The following RIMBP2 variants were observed in gnomAD, a reference collection of about 807,000 sequenced individuals.
RIMBP2 encodes the protein RIMS-binding protein 2.
In RIMBP2, 48 loss-of-function variants were observed where a neutral mutation model predicts 118.6. The ratio of observed to expected loss-of-function variants is 0.40; its 90% CI spans 0.32 to 0.51. RIMBP2 has a LOEUF of 0.51. Among genes scored for constraint, RIMBP2 ranks in the 20% least tolerant of loss-of-function variants. The pLI, the probability that RIMBP2 is intolerant of heterozygous loss-of-function variation, is 0.41. For missense variants in RIMBP2, 1,551 were observed against 1,768.3 expected, an observed-to-expected ratio of 0.88 and a Z score of 2.20; for synonymous variants, 762 against 742.9, an observed-to-expected ratio of 1.03 and a Z score of -0.42.
chr12:130,541,947 G>A (rs878910369), intron 2 of RIMBP2, among the ~76,000 whole-genome samples: 1 of 152,242 alleles, frequency 6.6e-6, no homozygotes, highest in Non-Finnish European at 1.5e-5. Flanking sequence ...CCATTGGGCT[G>A]AGTGTTGGCA....
rs1594076071 is a variant in RIMBP2 at position 130,621,983 on chromosome 12, T to C, written c.-217+6339A>G. The stretch of plus-strand genomic sequence containing the variant: ...CAACAGAGCCCATTCCACGTCGACT[T>C]GTCTACTTTAAAAAATAATAACAGA... On this transcript the variant is annotated intron_variant, in intron 2 of 22. Transcript: ENST00000690449. The surrounding 1 kb of genome is among the most constrained non-coding windows in gnomAD (Gnocchi z 6.6). Among the ~76,000 whole-genome samples, 1 of 152,236 alleles carries C rather than the reference T, an allele frequency of 6.6e-6. No homozygotes were observed. The highest frequency in any genetic ancestry group is 2.4e-5 in the African/African-American group (1 of 41,460).
chr12:130,581,215 C>T lies in RIMBP2; in HGVS notation c.-217+47107G>A, dbSNP rs1281687929. Among the ~76,000 whole-genome samples, 2 of 152,124 alleles carry T rather than the reference C, an allele frequency of 1.3e-5. No individual in the cohort carries two copies. The highest frequency in any genetic ancestry group is 1.9e-4 in the East Asian group (1 of 5,178). ...AGGGTGGCAGCCTCTGGGTCATCAA[C>T]TGAAATGCCCCGTGGTCCCAGGTCA... On this transcript the variant is annotated intron_variant, in intron 2 of 22. Transcript: ENST00000690449. This position sits in a 1 kb window ranked among gnomAD's most constrained non-coding sequence, Gnocchi z 4.4.
chr12:130,572,645 A>G (rs1012982354), intron 2 of RIMBP2, among the ~76,000 whole-genome samples: 2 of 151,796 alleles, frequency 1.3e-5, no homozygotes, highest in Non-Finnish European at 2.9e-5. Flanking sequence ...CTGCTACAAA[A>G]CAGACACAAG....
intron 7 of RIMBP2, among the ~76,000 whole-genome samples, chr12:130,453,013 C>T (rs948522198): frequency 2.0e-5 from 3 of 152,166 alleles, no homozygotes; most frequent in African/African-American, 4.8e-5. Context: ...ACGGGCCCCT[C>T]GAGATGCAAA....
intron 6 of RIMBP2, chr12:130,465,145 T>C (rs969228812): frequency 1.3e-5 from 2 of 152,186 alleles, no homozygotes; most frequent in Non-Finnish European, 2.9e-5. Context: ...GCCAGACGCC[T>C]GCGGGGAGGT....
intron 6 of RIMBP2, among the ~76,000 whole-genome samples, chr12:130,467,329 T>C (rs1053087027): frequency 8.5e-5 from 13 of 152,264 alleles, no homozygotes; most frequent in Non-Finnish European, 2.9e-5. Flanking sequence ...ATCACTATTG[T>C]AAAACCTAAG....
At chr12:130,399,848 A>G (rs1565976372) in intron 21 of RIMBP2, 35 bp from the exon 22 acceptor site, 1 of 1,611,138 alleles carries the variant, frequency 6.2e-7, no homozygotes, top group Admixed American at 1.7e-5. Flanking sequence ...AGAACTATTT[A>G]TTTTTCTAGA....
chr12:130,443,049 G>A (rs1416511715), intron 10 of RIMBP2, among the ~76,000 whole-genome samples: 4 of 152,194 alleles, frequency 2.6e-5, no homozygotes, highest in Admixed American at 1.3e-4. Flanking sequence ...AGATTTGTTA[G>A]AAGGACGAGT....
intron 1 of RIMBP2, chr12:130,667,668 ACCTTGTGATTAGAGGTTTGGGGCTTGGAG>A (rs2064012765): frequency 6.6e-6 from 1 of 152,228 alleles, no homozygotes; most frequent in Admixed American, 6.5e-5. Context: ...GGAAAGGTGG[ACCTTGTGATTAGAGGTTTGGGGCTTGGAG>A]CCAGGTGATA....
intron 1 of RIMBP2, among the ~76,000 whole-genome samples, chr12:130,676,018 G>A (rs563704892): frequency 6.4e-4 from 98 of 152,340 alleles, no homozygotes; most frequent in African/African-American, 2.3e-3. Context: ...CAGAGCTCCC[G>A]ACTGCCACCG....
At chr12:130,553,314 A>T (rs958995446) in intron 2 of RIMBP2, among the ~76,000 whole-genome samples, 1 of 152,104 alleles carries the variant, frequency 6.6e-6, no homozygotes, top group Non-Finnish European at 1.5e-5. Flanking sequence ...CACCTATCAA[A>T]TGCCTCTTTC....
At chr12:130,577,819 C>T (rs893271300) in intron 2 of RIMBP2, among the ~76,000 whole-genome samples, 1 of 152,128 alleles carries the variant, frequency 6.6e-6, no homozygotes, top group Non-Finnish European at 1.5e-5. Flanking sequence ...CCTCCCCACC[C>T]GCCAACCCTC....
At chr12:130,590,212 G>A (rs1007505734) in intron 2 of RIMBP2, among the ~76,000 whole-genome samples, 9 of 152,200 alleles carry the variant, frequency 5.9e-5, no homozygotes, top group African/African-American at 2.2e-4. Flanking sequence ...TCTCAGCACA[G>A]CACTGGACAT....
At position 130,710,871 on chromosome 12, in the gene RIMBP2, A is replaced by C. The variant is rs1173265762; in HGVS notation, c.-352+5351T>G. Among the ~76,000 whole-genome samples, 1 of 152,132 alleles carries C rather than the reference A, an allele frequency of 6.6e-6. No homozygotes were observed. On this transcript the variant is annotated intron_variant, in intron 1 of 22. Coordinates refer to ENST00000690449, the MANE Select transcript of RIMBP2 (RefSeq NM_001393629.1). This position sits in a 1 kb window ranked among gnomAD's most constrained non-coding sequence, Gnocchi z 4.3. ...ACAAGCCCCACTGCTCCCAATCCTCACAGGCCCCGCACGTCACACGTGGGG... is the reference window on the plus strand; with the variant it reads ...ACAAGCCCCACTGCTCCCAATCCTCCCAGGCCCCGCACGTCACACGTGGGG...
chr12:130,550,653 A>G (rs1202011293), intron 2 of RIMBP2, among the ~76,000 whole-genome samples: 1 of 152,256 alleles, frequency 6.6e-6, no homozygotes, highest in Non-Finnish European at 1.5e-5. Flanking sequence ...AAATTAAACT[A>G]TAAAATGCCA....
intron 2 of RIMBP2, among the ~76,000 whole-genome samples, chr12:130,596,133 G>A (rs1051705199): frequency 1.5e-4 from 23 of 152,170 alleles, no homozygotes; most frequent in African/African-American, 4.1e-4. Flanking sequence ...CACTCACCCC[G>A]AATGTGCGCA....
chr12:130,607,611 A>G (rs1157175659), intron 2 of RIMBP2, among the ~76,000 whole-genome samples: 1 of 151,774 alleles, frequency 6.6e-6, no homozygotes, highest in Non-Finnish European at 1.5e-5. Context: ...TCCTTAAGTC[A>G]TCCTCACCGG....
chr12:130,593,573 G>C (rs1220560698), intron 2 of RIMBP2, among the ~76,000 whole-genome samples: 1 of 152,258 alleles, frequency 6.6e-6, no homozygotes, highest in Non-Finnish European at 1.5e-5. Flanking sequence ...TGGGTGCTCC[G>C]TGGGCTGGAT....
rs529498017 is a variant in RIMBP2 at position 130,582,028 on chromosome 12, G to A, written c.-217+46294C>T. Among the ~76,000 whole-genome samples, 7 of 152,052 alleles carry A rather than the reference G, an allele frequency of 4.6e-5. No homozygotes were observed. In the East Asian group the frequency reaches 5.8e-4, roughly 13 times the overall value. On this transcript the variant is annotated intron_variant, in intron 2 of 22. Transcript: ENST00000690449. ...CTCCCTCTGCCTGGCACTCTCTTCCGTGAATACCCACGTGGCTCACTTCCT... is the reference window on the plus strand; with the variant it reads ...CTCCCTCTGCCTGGCACTCTCTTCCATGAATACCCACGTGGCTCACTTCCT...
Sources: allele counts gnomAD v4.1 joint callset (sites outside exome capture counted in the v4.1 genomes callset), GRCh38; gene constraint gnomAD v4.1.1; non-coding constraint Gnocchi (gnomAD v3.1); transcripts MANE v1.5; gene names NCBI Gene and HGNC (gene_info 2026-07-23, HGNC 2026-07-21).